Variants in IL1RAP observed in about 807,000 individuals in gnomAD.
The protein encoded by IL1RAP is interleukin 1 receptor accessory protein.
IL1RAP carries 35 observed loss-of-function variants against 60.7 expected under a neutral mutation model. The observed-to-expected ratio is 0.58, with a 90% CI of 0.44 to 0.76. IL1RAP has a LOEUF of 0.76. Ranked by LOEUF, IL1RAP falls within the 30% of genes least tolerant of loss-of-function variation. The probability of loss-of-function intolerance (pLI) is 0.00; values close to 1 mark genes in which losing one functional copy is unlikely to be tolerated. For synonymous variants in IL1RAP, 268 were observed against 250.9 expected, an observed-to-expected ratio of 1.07 and a Z score of -0.64; for missense variants, 572 against 693.9, an observed-to-expected ratio of 0.82 and a Z score of 1.97.
At chr3:190,656,695 T>C (rs1420391202) in exon 12 of IL1RAP, 2 of 728,428 alleles carry the variant, frequency 2.7e-6, no homozygotes, top group Non-Finnish European at 4.3e-6. Context: ...TTTTATCATC[T>C]AATGGACTAT....
At chr3:190,599,488 A>G (rs1012827621) in intron 3 of IL1RAP, among the ~76,000 whole-genome samples, 1 of 139,410 alleles carries the variant, frequency 7.2e-6, no homozygotes, top group Non-Finnish European at 1.6e-5. Flanking sequence ...TCGTAAAGTG[A>G]CTTTTTTTTT....
At chr3:190,658,138 C>T (rs143447434) in exon 12 of IL1RAP, 100 of 145,498 alleles carry the variant, frequency 6.9e-4, no homozygotes, top group African/African-American at 2.4e-3. Flanking sequence ...GCCATATTGT[C>T]CATTTTTTTC....
intron 1 of IL1RAP, among the ~76,000 whole-genome samples, chr3:190,555,432 G>C (rs2108603435): frequency 6.6e-6 from 1 of 152,212 alleles, no homozygotes; most frequent in South Asian, 2.1e-4. Context: ...CAAACATACA[G>C]AAAAAGTTAC....
downstream of IL1RAP, chr3:190,656,061 G>A (rs1734609715): frequency 6.5e-7 from 1 of 1,537,098 alleles, no homozygotes; most frequent in African/African-American, 1.4e-5. Context: ...GTCCCCTTGA[G>A]CACCCGCACC....
intron 1 of IL1RAP, among the ~76,000 whole-genome samples, chr3:190,529,686 G>GAAA (rs58490702): frequency 9.8e-6 from 1 of 101,994 alleles, no homozygotes; most frequent in African/African-American, 3.7e-5. Flanking sequence ...TGTCTCAAAA[G>GAAA]AAAAAAAAAA....
intron 3 of IL1RAP, among the ~76,000 whole-genome samples, chr3:190,579,007 C>T (rs575180145): frequency 2.0e-5 from 3 of 152,324 alleles, no homozygotes; most frequent in African/African-American, 7.2e-5. Flanking sequence ...CAAACCATAT[C>T]AGATACTTAG....
At chr3:190,647,084 C>G (rs1023975615) in intron 11 of IL1RAP, among the ~76,000 whole-genome samples, 2 of 152,154 alleles carry the variant, frequency 1.3e-5, no homozygotes, top group Admixed American at 6.6e-5. Flanking sequence ...ATTACTCTTG[C>G]ATCTTGCATT....
rs1392688428 is a variant in IL1RAP, at chr3:190,649,210, C to T, written c.*505C>T. The T allele has an allele frequency of 5.1e-6, 5 of 986,132 alleles. No individual in the cohort carries two copies. Among genetic ancestry groups the T allele is most frequent in the African/African-American group, 1.7e-5 (1 of 57,224 alleles). The allele number at this position is 986,132 out of a possible 1,614,324, so 61.1% of individuals were successfully genotyped here. A position where few individuals can be genotyped will look rare whatever the true frequency, so the allele number is the denominator to read the frequency against. On this transcript the variant is annotated 3_prime_UTR_variant, in exon 12 of 12. Transcript: ENST00000447382. ...TTTTTCCTCATTCGGCTGTATAATA[C>T]ATAACCACAGCAAGACTGACATCCA...
intron 9 of IL1RAP, among the ~76,000 whole-genome samples, chr3:190,637,872 C>T (rs537941793): frequency 7.2e-4 from 109 of 151,984 alleles, no homozygotes; most frequent in African/African-American, 2.6e-3. Context: ...TGTATGTGGA[C>T]CCATACAGAA....
At chr3:190,632,758 A>AT (rs1313846824) in intron 9 of IL1RAP, among the ~76,000 whole-genome samples, 1 of 152,054 alleles carries the variant, frequency 6.6e-6, no homozygotes, top group Admixed American at 6.6e-5. Context: ...CCTATGATCC[A>AT]TTTTTTTAAT....
chr3:190,603,034 GT>G (rs568910972), intron 3 of IL1RAP, among the ~76,000 whole-genome samples: 6 of 150,148 alleles, frequency 4.0e-5, no homozygotes, highest in Admixed American at 2.7e-4. Flanking sequence ...AAAGAAGTTT[GT>G]TTTTTTTTCT....
At chr3:190,610,056 A>G (rs1005668684) in intron 5 of IL1RAP, among the ~76,000 whole-genome samples, 18 of 152,332 alleles carry the variant, frequency 1.2e-4, no homozygotes, top group South Asian at 6.2e-4. Flanking sequence ...GAAAAGTTGT[A>G]GTTCCTCACA....
At position 190,604,252 on chromosome 3, in the gene IL1RAP, A is replaced by G; in HGVS notation, c.189A>G (p.Ser63=). The change falls in exon 4 of 12, where the codon TCA becomes TCG. Residue 63 remains serine, a synonymous_variant. Transcript: ENST00000447382. ...FLKFNYSTAH[S]AGLTLIWYWT... is the part of the protein sequence containing the mutation. ...AATTCAACTACAGCACAGCCCATTC[A>G]GCTGGCCTTACTCTGATCTGGTATT... 2 of 1,614,042 alleles carry G rather than the reference A, an allele frequency of 1.2e-6. No individual in the cohort carries two copies. Among genetic ancestry groups the G allele is most frequent in the East Asian group, 2.2e-5 (1 of 44,844 alleles).
At chr3:190,562,629 C>T (rs961141393) in intron 2 of IL1RAP, among the ~76,000 whole-genome samples, 5 of 151,404 alleles carry the variant, frequency 3.3e-5, no homozygotes, top group Admixed American at 1.3e-4. Flanking sequence ...CTTGAGGGGA[C>T]GGATATTCCA....
intron 8 of IL1RAP, among the ~76,000 whole-genome samples, chr3:190,629,003 C>G (rs1444802792): frequency 6.6e-6 from 1 of 152,078 alleles, no homozygotes; most frequent in African/African-American, 2.4e-5. Context: ...GGATAAAAAC[C>G]CAAAAGGACC....
rs145938321 is a variant in IL1RAP, at chr3:190,552,940, C to T, written c.-88-3190C>T. On this transcript the variant is annotated intron_variant, in intron 1 of 11. Transcript: ENST00000447382. Reference sequence around the variant, plus strand: ...GTCCTTAAGAAAATCCTTTTAACTCCCTTAATACTCGACAAGTGGCCAATA... The same window carrying T: ...GTCCTTAAGAAAATCCTTTTAACTCTCTTAATACTCGACAAGTGGCCAATA... Among the ~76,000 whole-genome samples the T allele has an allele frequency of 3.4e-3, 522 of 152,212 alleles. 5 individuals are homozygous for T. Among genetic ancestry groups the T allele is most frequent in the Middle Eastern group, 0.014 (4 of 294 alleles).
At chr3:190,523,001 GAAGT>G (rs780027251) in intron 1 of IL1RAP, among the ~76,000 whole-genome samples, 6 of 152,156 alleles carry the variant, frequency 3.9e-5, no homozygotes, top group Non-Finnish European at 5.9e-5. Flanking sequence ...GTTGTGGGGA[GAAGT>G]AAGTAATTTG....
chr3:190,548,648 G>T (rs559225019), intron 1 of IL1RAP, among the ~76,000 whole-genome samples: 47 of 152,262 alleles, frequency 3.1e-4, no homozygotes, highest in Admixed American at 2.2e-3. Context: ...AACAGATCAG[G>T]GCAGAAGTTT....
intron 1 of IL1RAP, among the ~76,000 whole-genome samples, chr3:190,534,261 C>G (rs1201400352): frequency 6.8e-6 from 1 of 147,470 alleles, no homozygotes; most frequent in African/African-American, 2.7e-5. Context: ...TCCATAATCT[C>G]CAGCCCACTT....
Sources: allele counts gnomAD v4.1 joint callset (sites outside exome capture counted in the v4.1 genomes callset), GRCh38; gene constraint gnomAD v4.1.1; transcripts MANE v1.5; gene names NCBI Gene and HGNC (gene_info 2026-07-23, HGNC 2026-07-21).